Variants in DNAJA4 observed in about 807,000 individuals in gnomAD.
The protein encoded by DNAJA4 is DnaJ heat shock protein family (Hsp40) member A4.
Under a neutral mutation model 39.7 loss-of-function variants are expected in DNAJA4, and 32 were observed. The ratio of observed to expected loss-of-function variants is 0.81; its 90% CI spans 0.61 to 1.08. DNAJA4 has a LOEUF of 1.08. DNAJA4 is among the 50% of genes least tolerant of loss of function. The pLI is 0.00. For missense variants in DNAJA4, 439 were observed against 505.1 expected (o/e 0.87, Z 1.25); for synonymous variants, 184 against 182.4 (o/e 1.01, Z -0.07).
At chr15:78,268,526 T>G (rs1254757706) in intron 1 of DNAJA4, among the ~76,000 whole-genome samples, 3 of 152,218 alleles carry the variant, frequency 2.0e-5, no homozygotes, top group African/African-American at 7.2e-5. Context: ...TGCCTCAAAT[T>G]CCCTTGTTCT....
In DNAJA4 at chr15:78,280,313, T is replaced by C. The variant is rs764572268; in HGVS notation, c.1047T>C (p.Pro349=). 6 of 1,614,116 alleles carry C rather than the reference T, an allele frequency of 3.7e-6. No homozygotes were observed. The African/African-American group carries it at 8.0e-5, about 22-fold the overall frequency. ...KLPQLEALLP[P]RQKVRITDDM... is the part of the protein sequence containing the mutation. The stretch of plus-strand genomic sequence containing the variant: ...CTCAGCTGGAAGCTTTACTCCCTCC[T>C]CGACAGAAAGTGAGGATTACAGATG... The change falls in exon 7 of 7, where the codon CCT becomes CCC. Residue 349 remains proline, a synonymous_variant. Transcript: ENST00000394852.
intron 5 of DNAJA4, among the ~76,000 whole-genome samples, chr15:78,276,652 T>C (rs1595927876): frequency 6.6e-6 from 1 of 152,266 alleles, no homozygotes; most frequent in African/African-American, 2.4e-5. Flanking sequence ...CGAAGCAGCC[T>C]GGGCCCCAGC....
At chr15:78,265,217 G>C (rs1009383118) in intron 1 of DNAJA4, among the ~76,000 whole-genome samples, 1 of 152,222 alleles carries the variant, frequency 6.6e-6, no homozygotes, top group Non-Finnish European at 1.5e-5. Flanking sequence ...TTCTCATAGG[G>C]TGTGTTGGTT....
rs373207834 is a variant in DNAJA4, at chr15:78,280,408, A to G, written c.1142A>G (p.Tyr381Cys). The change falls in exon 7 of 7, where the codon TAC becomes TGC. Residue 381 changes from tyrosine (Y) to cysteine (C), a missense_variant. Coordinates refer to ENST00000394852, the MANE Select transcript of DNAJA4 (RefSeq NM_001130182.2). Reference sequence around the variant, plus strand: ...AACTGGCGTCAGCACAGGGAGGCCTACGAGGAGGACGAAGACGGGCCCCAG... The same window carrying G: ...AACTGGCGTCAGCACAGGGAGGCCTGCGAGGAGGACGAAGACGGGCCCCAG... ...EQNWRQHREAYEEDEDGPQAG... is the reference protein window; with the variant it reads ...EQNWRQHREACEEDEDGPQAG... 1.4e-5 allele frequency: 22 copies of G among 1,613,816 alleles called. No homozygotes were observed. The highest frequency in any genetic ancestry group is 2.7e-5 in the African/African-American group (2 of 74,960).
intron 1 of DNAJA4, chr15:78,265,932 A>C: frequency 1.7e-6 from 1 of 589,786 alleles, no homozygotes; most frequent in South Asian, 2.1e-5. Flanking sequence ...TCCAAGCTGG[A>C]GAAAGCTACT....
chr15:78,265,423 A>C, intron 1 of DNAJA4: 2 of 699,548 alleles, frequency 2.9e-6, no homozygotes, highest in Non-Finnish European at 5.2e-6. Context: ...CTGTGCACCT[A>C]CTGCCTACCT....
rs368915651 is a variant in DNAJA4, at chr15:78,274,218, C to T, written c.440C>T (p.Ser147Leu). ...KCEGVGGKKG[S>L]VEKCPLCKGR... is the part of the protein sequence containing the mutation. ...GCAGGTGTTGGTGGGAAGAAGGGAT[C>T]GGTGGAGAAGTGCCCGCTGTGCAAG... The change falls in exon 4 of 7, where the codon TCG (serine) becomes TTG (leucine). Residue 147 changes from serine to leucine, a missense_variant. Transcript: ENST00000394852. The T allele has an allele frequency of 4.9e-5, 79 of 1,613,798 alleles. No individual in the cohort carries two copies. The highest frequency in any genetic ancestry group is 1.6e-4 in the Middle Eastern group (1 of 6,082).
At chr15:78,273,350 C>G (rs1294384707) in intron 3 of DNAJA4, 151 bp downstream of exon 3, 1 of 616,832 alleles carries the variant, frequency 1.6e-6, no homozygotes, top group African/African-American at 1.9e-5. Flanking sequence ...GGCCACACTT[C>G]TTTGCCTGAA....
At chr15:78,268,677 C>T (rs2049210680) in intron 1 of DNAJA4, among the ~76,000 whole-genome samples, 1 of 152,152 alleles carries the variant, frequency 6.6e-6, no homozygotes, top group Admixed American at 6.5e-5. Flanking sequence ...AAGATCCTAC[C>T]TCATTTATTT....
rs2049430385 is a variant in DNAJA4, at chr15:78,275,551, G to A, written c.700G>A (p.Glu234Lys). 2 of 1,614,104 alleles carry A rather than the reference G, an allele frequency of 1.2e-6. No individual in the cohort carries two copies. The highest frequency in any genetic ancestry group is 3.3e-5 in the Admixed American group (2 of 60,012). Reference sequence around the variant, plus strand: ...TCATGGAGAAGGAGATCAGGAGCCTGAGCTGGAGCCTGGTGATGTCATAAT... The same window carrying A: ...TCATGGAGAAGGAGATCAGGAGCCTAAGCTGGAGCCTGGTGATGTCATAAT... ...LFHGEGDQEPELEPGDVIIVL... is the reference protein window; with the variant it reads ...LFHGEGDQEPKLEPGDVIIVL... Residue 234 changes from glutamate to lysine, a missense_variant, in exon 5 of 7, where the codon GAG (glutamate) becomes AAG (lysine). Transcript: ENST00000394852.
rs1405921439 is a variant in DNAJA4, at chr15:78,265,337, G to A, written c.132+442G>A. On this transcript the variant is annotated intron_variant, in intron 1 of 6. Coordinates refer to ENST00000394852, the MANE Select transcript of DNAJA4 (RefSeq NM_001130182.2). Reference sequence around the variant, plus strand: ...TCTCTGTTGATGCATAAACCCTAGGGATGAGTGTCTTTAATCTGAGCTGGT... The same window carrying A: ...TCTCTGTTGATGCATAAACCCTAGGAATGAGTGTCTTTAATCTGAGCTGGT... The A allele has an allele frequency of 1.1e-5, 7 of 624,312 alleles. No homozygotes were observed. The Admixed American group carries it at 1.8e-4, about 16-fold the overall frequency. 38.7% of individuals were successfully genotyped at this position (624,312 alleles called of 1,614,324 possible).
At chr15:78,278,496 C>CA (rs1030660924) in intron 5 of DNAJA4, among the ~76,000 whole-genome samples, 7 of 152,314 alleles carry the variant, frequency 4.6e-5, no homozygotes, top group Non-Finnish European at 8.8e-5. Context: ...AAAACCTGCA[C>CA]AGCAGGTTGC....
rs764000890 is a variant in DNAJA4, at chr15:78,275,774, A to G, written c.877+46A>G. ...TCCATTGATGTTCTGTATGTTTGGC[A>G]TAATAATTCTGGCAAGTTAGCCTGA... On this transcript the variant is annotated intron_variant, in intron 5 of 6. Transcript: ENST00000394852. 8.4e-5 allele frequency: 118 copies of G among 1,405,226 alleles called. 2 individuals are homozygous for G. In the Admixed American group the frequency reaches 2.3e-3, roughly 28 times the overall value. The allele number at this position is 1,405,226 out of a possible 1,614,324, so 87.0% of individuals were successfully genotyped here. A position where few individuals can be genotyped will look rare whatever the true frequency, so the allele number is the denominator to read the frequency against.
In DNAJA4 at chr15:78,270,200, G is replaced by A. The variant is rs184423136; in HGVS notation, c.133-297G>A. On this transcript the variant is annotated intron_variant, in intron 1 of 6. Coordinates refer to ENST00000394852, the MANE Select transcript of DNAJA4 (RefSeq NM_001130182.2). ...GTCTCATGGTATCCTAGCTGGTCTC[G>A]ACTTCCTGTCTGGTGCAGCCGGATT... 30 of 255,684 alleles carry A rather than the reference G, an allele frequency of 1.2e-4. No homozygotes were observed. In the East Asian group the frequency reaches 2.3e-3, roughly 19 times the overall value. The allele number at this position is 255,684 out of a possible 1,614,324, so 15.8% of individuals were successfully genotyped here.
Position 78,281,450 on chromosome 15 carries a change from G to A in DNAJA4, c.*990G>A, listed in dbSNP as rs781773634. The A allele has an allele frequency of 6.0e-5, 9 of 149,162 alleles. No homozygotes were observed. Among genetic ancestry groups the A allele is most frequent in the African/African-American group, 2.1e-4 (8 of 38,510 alleles). The allele number at this position is 149,162 out of a possible 1,614,324, so 9.2% of individuals were successfully genotyped here. A position where few individuals can be genotyped will look rare whatever the true frequency, so the allele number is the denominator to read the frequency against. ...AGATTGAGCTCCCTTCCAAAGGATC[G>A]TTCCTCTCATTGCACAGCCATATTA... is the stretch of plus-strand genomic sequence containing the variant. On this transcript the variant is annotated 3_prime_UTR_variant, in exon 7 of 7. Transcript: ENST00000394852.
At chr15:78,270,338 A>G (rs2049259304) in intron 1 of DNAJA4, 159 bp from the exon 2 acceptor site, 1 of 691,374 alleles carries the variant, frequency 1.4e-6, no homozygotes, top group Non-Finnish European at 2.4e-6. Flanking sequence ...AGGAGTAGGT[A>G]GACAGGCAAG....
Position 78,264,598 on chromosome 15 carries a change from CGGGGCGG to C in DNAJA4, c.-157_-151del. 1 of 1,134,954 alleles carries C rather than the reference CGGGGCGG, an allele frequency of 8.8e-7. No homozygotes were observed. The highest frequency in any genetic ancestry group is 1.1e-6 in the Non-Finnish European group (1 of 927,316). 70.3% of individuals were successfully genotyped at this position (1,134,954 alleles called of 1,614,324 possible). ...GCCAGGCGTGGAAGTCGGTCCGGCG[CGGGGCGG>C]GGGGCGGGCGGGAGCTACAAGCGGC... On this transcript the variant is annotated 5_prime_UTR_variant, in exon 1 of 7. Transcript: ENST00000394852.
intron 5 of DNAJA4, among the ~76,000 whole-genome samples, chr15:78,278,795 G>A (rs1205052709): frequency 1.3e-5 from 2 of 149,916 alleles, no homozygotes; most frequent in African/African-American, 4.9e-5. Context: ...GGGATTACAG[G>A]CACACACCAC....
chr15:78,278,285 G>A, intron 5 of DNAJA4: 1 of 456,030 alleles, frequency 2.2e-6, no homozygotes, highest in South Asian at 1.5e-5. Flanking sequence ...GGGCTTGAGA[G>A]CAGCAAGAAG....
Sources: gnomAD v4.1 joint callset for allele counts (sites outside exome capture counted in the v4.1 genomes callset) on GRCh38, gnomAD v4.1.1 for gene constraint, MANE v1.5 for transcripts, NCBI Gene and HGNC (gene_info 2026-07-23, HGNC 2026-07-21) for gene names.